The following GGT7 variants were observed in gnomAD, a reference collection of about 807,000 sequenced individuals.
GGT7 encodes the protein gamma-glutamyltransferase 7.
Under a neutral mutation model 69.2 loss-of-function variants are expected in GGT7, and 30 were observed. The ratio of observed to expected loss-of-function variants is 0.43; its 90% CI spans 0.32 to 0.59. GGT7 has a LOEUF of 0.59. GGT7 is among the 20% of genes least tolerant of loss of function. The probability of loss-of-function intolerance (pLI) is 0.05; values close to 1 mark genes in which losing one functional copy is unlikely to be tolerated. For synonymous variants in GGT7, 388 were observed against 391.8 expected, an observed-to-expected ratio of 0.99 and a Z score of 0.12; for missense variants, 733 against 901.1, an observed-to-expected ratio of 0.81 and a Z score of 2.39.
At chr20:34,853,382 T>TGTGTG (rs1568931750) in intron 10 of GGT7, among the ~76,000 whole-genome samples, 3 of 140,794 alleles carry the variant, frequency 2.1e-5, no homozygotes, top group African/African-American at 8.0e-5. Flanking sequence ...TGTGTGTGTG[T>TGTGTG]TTTAGAGCAA....
chr20:34,857,625 T>C (rs544055821), intron 7 of GGT7, among the ~76,000 whole-genome samples: 2 of 150,388 alleles, frequency 1.3e-5, no homozygotes, highest in Non-Finnish European at 3.0e-5. Flanking sequence ...ATTTTTTTTT[T>C]TTTTTTTTTT....
At chr20:34,855,662 T>G (rs1198886816) in intron 8 of GGT7, among the ~76,000 whole-genome samples, 3 of 152,168 alleles carry the variant, frequency 2.0e-5, no homozygotes, top group African/African-American at 7.2e-5. Flanking sequence ...GGCACTATTA[T>G]TATTTCCATT....
At chr20:34,866,268 A>G (rs1255519399) in intron 1 of GGT7, among the ~76,000 whole-genome samples, 1 of 152,212 alleles carries the variant, frequency 6.6e-6, no homozygotes, top group Admixed American at 6.5e-5. Flanking sequence ...TTTACCACTT[A>G]TATCTATTTC....
chr20:34,865,794 CCT>C (rs536361791), intron 1 of GGT7, among the ~76,000 whole-genome samples: 166 of 152,360 alleles, frequency 1.1e-3, no homozygotes, highest in Middle Eastern at 3.4e-3. Flanking sequence ...ATAGCTCCCT[CCT>C]CTGAGTGTTA....
chr20:34,848,432 C>T (rs191142790), intron 14 of GGT7, among the ~76,000 whole-genome samples: 2 of 152,356 alleles, frequency 1.3e-5, no homozygotes, highest in Non-Finnish European at 2.9e-5. Context: ...ACTCCTTGTA[C>T]CTCCATCTTA....
At chr20:34,854,717 GT>G in intron 9 of GGT7, 78 bp downstream of exon 9, 1 of 1,598,054 alleles carries the variant, frequency 6.3e-7, no homozygotes, top group Non-Finnish European at 8.6e-7. Context: ...AGGGGATTTA[GT>G]CCTGCCCTAT....
At position 34,845,112 on chromosome 20, in the gene GGT7, T is replaced by TCACCCCCACCACCACCACCACCAC; in HGVS notation, c.*215_*216insGTGGTGGTGGTGGTGGTGGGGGTG. The TCACCCCCACCACCACCACCACCAC allele has an allele frequency of 2.6e-6, 1 of 383,210 alleles. No homozygotes were observed. Among genetic ancestry groups the TCACCCCCACCACCACCACCACCAC allele is most frequent in the Admixed American group, 4.4e-5 (1 of 22,710 alleles). 23.7% of individuals were successfully genotyped at this position (383,210 alleles called of 1,614,324 possible). On this transcript the variant is annotated 3_prime_UTR_variant, in exon 15 of 15. Coordinates refer to ENST00000336431, the MANE Select transcript of GGT7 (RefSeq NM_178026.3). ...CTGGCTGTACTGTAGATGCTGACAC[T>TCACCCCCACCACCACCACCACCAC]CACCACCACCACCACCACCACCACC...
chr20:34,852,448 A>C lies in GGT7; in HGVS notation c.1410T>G (p.Ala470=), dbSNP rs1313786105. 3.7e-6 allele frequency: 6 copies of C among 1,613,756 alleles called. No individual in the cohort carries two copies. In the South Asian group the frequency reaches 6.6e-5, roughly 18 times the overall value. The stretch of plus-strand genomic sequence containing the variant: ...TGATCAGCACCTGGGCAGCCGTGGG[A>C]GCTCCGTCTAGTTCATAGACAGGCA... ...PLLPVYELDG[A]PTAAQVLIMG... The change falls in exon 11 of 15, where the codon GCT becomes GCG. Residue 470 remains alanine (A), a synonymous_variant. Coordinates refer to ENST00000336431, the MANE Select transcript of GGT7 (RefSeq NM_178026.3).
intron 13 of GGT7, among the ~76,000 whole-genome samples, chr20:34,850,467 T>C (rs921401468): frequency 6.6e-6 from 1 of 152,220 alleles, no homozygotes; most frequent in African/African-American, 2.4e-5. Flanking sequence ...ACTGCCTCCC[T>C]GCTCTTTCTA....
At chr20:34,848,858 C>A (rs1004990580) in intron 14 of GGT7, among the ~76,000 whole-genome samples, 1 of 152,154 alleles carries the variant, frequency 6.6e-6, no homozygotes, top group Non-Finnish European at 1.5e-5. Context: ...CTTTTGGACT[C>A]GTGTCATATT....
intron 1 of GGT7, among the ~76,000 whole-genome samples, chr20:34,865,019 A>C (rs1177259545): frequency 2.0e-5 from 3 of 152,140 alleles, no homozygotes; most frequent in Non-Finnish European, 4.4e-5. Context: ...ACAGGGTTTC[A>C]GCATATTGGC....
At chr20:34,866,645 T>A (rs929320818) in intron 1 of GGT7, among the ~76,000 whole-genome samples, 1 of 151,972 alleles carries the variant, frequency 6.6e-6, no homozygotes, top group Non-Finnish European at 1.5e-5. Flanking sequence ...AGTGGCGCAA[T>A]CTCGGCTCAC....
chr20:34,865,042 G>A (rs1433437235), intron 1 of GGT7, among the ~76,000 whole-genome samples: 2 of 151,664 alleles, frequency 1.3e-5, no homozygotes, highest in Non-Finnish European at 2.9e-5. Flanking sequence ...GGCTGGTCTC[G>A]AACTCCTGAC....
In GGT7 at chr20:34,863,620, T is replaced by G; in HGVS notation, c.170-72A>C. ...CTGCCCACCCTCCAGGTGGGACTATTCAGCGCTTTCCCTGCCCCGCCCCTG... is the reference window on the plus strand; with the variant it reads ...CTGCCCACCCTCCAGGTGGGACTATGCAGCGCTTTCCCTGCCCCGCCCCTG... On this transcript the variant is annotated intron_variant, in intron 1 of 14. Transcript: ENST00000336431. This position sits in a 1 kb window ranked among gnomAD's most constrained non-coding sequence, Gnocchi z 4.4. 1 of 1,008,988 alleles carries G rather than the reference T, an allele frequency of 9.9e-7. No homozygotes were observed. The highest frequency in any genetic ancestry group is 1.5e-6 in the Non-Finnish European group (1 of 652,388). The allele number at this position is 1,008,988 out of a possible 1,614,324, so 62.5% of individuals were successfully genotyped here. A position where few individuals can be genotyped will look rare whatever the true frequency, so the allele number is the denominator to read the frequency against.
At chr20:34,862,256 G>A (rs1004624407) in intron 3 of GGT7, among the ~76,000 whole-genome samples, 4 of 152,248 alleles carry the variant, frequency 2.6e-5, no homozygotes, top group South Asian at 2.1e-4. Flanking sequence ...AGTTGTTATC[G>A]GATTTCCCGA....
Position 34,854,832 on chromosome 20 carries a change from C to G in GGT7, c.1194G>C (p.Leu398=), listed in dbSNP as rs911507141. The change falls in exon 9 of 15, where the codon CTG becomes CTC. Residue 398 remains leucine (L), a synonymous_variant. Transcript: ENST00000336431. The part of the protein sequence containing the change: ...NILEGFNLTS[L]VSREQALHWV... ...AGTGAAGAGCCTGTTCTCGGGATAC[C>G]AGGCTGGTGAGATTGAAGCCCTCCA... The G allele has an allele frequency of 2.5e-6, 4 of 1,614,050 alleles. No individual in the cohort carries two copies. Among genetic ancestry groups the G allele is most frequent in the Admixed American group, 1.7e-5 (1 of 60,006 alleles).
chr20:34,853,848 G>A (rs2079441002), intron 10 of GGT7, among the ~76,000 whole-genome samples: 1 of 152,196 alleles, frequency 6.6e-6, no homozygotes, highest in Non-Finnish European at 1.5e-5. Flanking sequence ...TTGAATGAAG[G>A]CAGTCTCACC....
intron 1 of GGT7, among the ~76,000 whole-genome samples, chr20:34,869,832 G>C (rs966664555): frequency 3.3e-5 from 5 of 152,198 alleles, no homozygotes; most frequent in African/African-American, 9.7e-5. Context: ...GTTCAAAATA[G>C]AACATGCTAT....
intron 3 of GGT7, among the ~76,000 whole-genome samples, chr20:34,862,137 A>G (rs921434475): frequency 2.0e-5 from 3 of 152,192 alleles, no homozygotes; most frequent in Non-Finnish European, 4.4e-5. Flanking sequence ...AGCAGGACAG[A>G]GAAGAGGAAG....
Sources: allele counts gnomAD v4.1 joint callset (sites outside exome capture counted in the v4.1 genomes callset), GRCh38; gene constraint gnomAD v4.1.1; non-coding constraint Gnocchi (gnomAD v3.1); transcripts MANE v1.5; gene names NCBI Gene and HGNC (gene_info 2026-07-23, HGNC 2026-07-21).